The following SLIT3 variants were observed in gnomAD, a reference collection of about 807,000 sequenced individuals.
SLIT3 encodes the protein slit homolog 3 protein.
In SLIT3, 68 loss-of-function variants were observed where a neutral mutation model predicts 184.0. The ratio of observed to expected loss-of-function variants is 0.37; its 90% CI spans 0.30 to 0.45. SLIT3 has a LOEUF of 0.45. Ranked by LOEUF, SLIT3 falls within the 20% of genes least tolerant of loss-of-function variation. The probability of loss-of-function intolerance (pLI) is 1.00; values close to 1 mark genes in which losing one functional copy is unlikely to be tolerated. For missense variants in SLIT3, 1,707 were observed against 2,026.0 expected (o/e 0.84, Z 3.02); for synonymous variants, 831 against 828.6 (o/e 1.00, Z -0.05).
intron 4 of SLIT3, among the ~76,000 whole-genome samples, chr5:168,977,305 G>A (rs912915960): frequency 1.3e-5 from 2 of 152,168 alleles, no homozygotes; most frequent in South Asian, 4.1e-4. Context: ...CTGCCCCATC[G>A]CAAGACCTAC....
At chr5:169,172,021 T>C (rs1205899640) in intron 4 of SLIT3, among the ~76,000 whole-genome samples, 1 of 152,154 alleles carries the variant, frequency 6.6e-6, no homozygotes, top group African/African-American at 2.4e-5. Flanking sequence ...ACCTTTCTTC[T>C]AGCAAATCAG....
chr5:169,119,555 T>C (rs1329845288), intron 4 of SLIT3, among the ~76,000 whole-genome samples: 2 of 152,192 alleles, frequency 1.3e-5, no homozygotes, highest in African/African-American at 4.8e-5. Flanking sequence ...AAACACACAA[T>C]CATTTTTCTT....
chr5:168,753,009 C>T lies in SLIT3; in HGVS notation c.1919G>A (p.Arg640Gln), dbSNP rs755734208. 41 of 1,613,760 alleles carry T rather than the reference C, an allele frequency of 2.5e-5. No individual in the cohort carries two copies. The highest frequency in any genetic ancestry group is 4.0e-5 in the African/African-American group (3 of 74,802). The change falls in exon 18 of 36, where the codon CGG becomes CAG. Residue 640 changes from arginine (R) to glutamine (Q), a missense_variant. Arg to Gln is a conservative substitution (Grantham distance 43, BLOSUM62 1). This residue lies in a region of SLIT3 where 1,307 missense variants were observed against 1,511.6 expected (regional missense o/e 0.86). Coordinates refer to ENST00000519560, the MANE Select transcript of SLIT3 (RefSeq NM_003062.4). The part of the protein sequence containing the change: ...SVRLLSLYDN[R>Q]ITTITPGAFT... Reference sequence around the variant, plus strand: ...GGCCCCAGGGGTGATGGTGGTGATCCGATTGTCATAGAGGGACAGCAGTCT... The same window carrying T: ...GGCCCCAGGGGTGATGGTGGTGATCTGATTGTCATAGAGGGACAGCAGTCT...
At chr5:168,748,465 G>T (rs748497593) in intron 19 of SLIT3, 31 bp from the exon 20 acceptor site, 1 of 1,505,950 alleles carries the variant, frequency 6.6e-7, no homozygotes, top group South Asian at 1.3e-5. Flanking sequence ...GGTGAGGGTT[G>T]TGGGAGATAA....
At chr5:169,067,845 G>A (rs1758412694) in intron 4 of SLIT3, among the ~76,000 whole-genome samples, 1 of 152,190 alleles carries the variant, frequency 6.6e-6, no homozygotes, top group Admixed American at 6.5e-5. Context: ...GCTATGCACA[G>A]CAAAGAAAAA....
At chr5:168,934,101 C>T (rs891253645) in intron 4 of SLIT3, among the ~76,000 whole-genome samples, 2 of 152,174 alleles carry the variant, frequency 1.3e-5, no homozygotes, top group Non-Finnish European at 2.9e-5. Context: ...ATGGGCTCCA[C>T]CTGCTTCCCG....
chr5:168,985,892 C>A lies in SLIT3; in HGVS notation c.414-102556G>T, dbSNP rs138367520. On this transcript the variant is annotated intron_variant, in intron 4 of 35. Coordinates refer to ENST00000519560, the MANE Select transcript of SLIT3 (RefSeq NM_003062.4). ...CAGAGTATGGTGGTTGTATTTGAACCCCTGGTTAAATCATGCCTGGGAGTG... is the reference window on the plus strand; with the variant it reads ...CAGAGTATGGTGGTTGTATTTGAACACCTGGTTAAATCATGCCTGGGAGTG... 7.1e-3 allele frequency among the ~76,000 whole-genome samples: 1,073 copies of A among 152,034 alleles called. 7 individuals are homozygous for A. The highest frequency in any genetic ancestry group is 0.024 in the African/African-American group (987 of 41,448).
intron 4 of SLIT3, among the ~76,000 whole-genome samples, chr5:168,885,798 A>G (rs546673188): frequency 4.3e-4 from 65 of 152,326 alleles, no homozygotes; most frequent in African/African-American, 1.5e-3. Flanking sequence ...TAATGCACTA[A>G]CCTTGTTTGA....
intron 4 of SLIT3, among the ~76,000 whole-genome samples, chr5:169,033,810 ATTTTTT>A (rs568929106): frequency 5.2e-5 from 6 of 116,148 alleles, no homozygotes; most frequent in African/African-American, 2.0e-4. Context: ...CTATTGTATG[ATTTTTT>A]TTTTTTTTTT....
At chr5:168,819,918 C>G (rs750735832) in intron 7 of SLIT3, among the ~76,000 whole-genome samples, 2 of 152,118 alleles carry the variant, frequency 1.3e-5, no homozygotes. Context: ...AGAGGGCTCT[C>G]GTCAAAAGCC....
chr5:169,053,259 C>A (rs1332567643), intron 4 of SLIT3, among the ~76,000 whole-genome samples: 1 of 152,226 alleles, frequency 6.6e-6, no homozygotes, highest in Non-Finnish European at 1.5e-5. Context: ...GGTTTCCTTT[C>A]CTTTCTTCCA....
At chr5:169,211,965 T>C (rs1351305220) in intron 3 of SLIT3, among the ~76,000 whole-genome samples, 1 of 152,244 alleles carries the variant, frequency 6.6e-6, no homozygotes, top group Non-Finnish European at 1.5e-5. Flanking sequence ...CATCAACTCA[T>C]CCTTTTTTAT....
chr5:169,110,020 C>T (rs1760356616), intron 4 of SLIT3, among the ~76,000 whole-genome samples: 1 of 152,144 alleles, frequency 6.6e-6, no homozygotes, highest in South Asian at 2.1e-4. Flanking sequence ...TCACTACACC[C>T]CTGGAGCATT....
At chr5:169,227,765 T>C (rs1364476338) in intron 3 of SLIT3, among the ~76,000 whole-genome samples, 1 of 152,168 alleles carries the variant, frequency 6.6e-6, no homozygotes, top group Non-Finnish European at 1.5e-5. Context: ...GCAATTACCT[T>C]TGCACTAACC....
intron 20 of SLIT3, among the ~76,000 whole-genome samples, chr5:168,739,989 A>C (rs1763571226): frequency 1.3e-5 from 2 of 152,256 alleles, no homozygotes; most frequent in African/African-American, 4.8e-5. Context: ...TGTTACTTTT[A>C]AATGGAATTA....
intron 4 of SLIT3, among the ~76,000 whole-genome samples, chr5:169,016,771 T>G (rs536784609): frequency 6.6e-6 from 1 of 152,352 alleles, no homozygotes; most frequent in Admixed American, 6.5e-5. Context: ...AGTATAGACC[T>G]CAAAGGCTTG....
At position 169,270,341 on chromosome 5, in the gene SLIT3, A is replaced by G. The variant is rs150563036; in HGVS notation, c.198-18882T>C. Among the ~76,000 whole-genome samples, 455 of 152,320 alleles carry G rather than the reference A, an allele frequency of 3.0e-3. 7 individuals are homozygous for G. The highest frequency in any genetic ancestry group is 0.01 in the African/African-American group (429 of 41,568). On this transcript the variant is annotated intron_variant, in intron 1 of 35. Transcript: ENST00000519560. ...ACCAAGACAGGGGTCAGCAAACTAC[A>G]GCCCACAGGCCCGATCCGGCCCACT...
rs78350248 is a variant in SLIT3 at position 169,075,803 on chromosome 5, T to C, written c.413+117676A>G. On this transcript the variant is annotated intron_variant, in intron 4 of 35. Transcript: ENST00000519560. ...TTCTCTTTCGGATTTCATCTAGTAC[T>C]TTCTCCAGCCATGCTAGTAAAGGCA... is the stretch of plus-strand genomic sequence containing the variant. Among the ~76,000 whole-genome samples the C allele has an allele frequency of 2.6e-4, 40 of 152,374 alleles. No homozygotes were observed. In the East Asian group the frequency reaches 7.3e-3, roughly 28 times the overall value.
chr5:168,963,072 A>T (rs1763071098), intron 4 of SLIT3, among the ~76,000 whole-genome samples: 1 of 152,018 alleles, frequency 6.6e-6, no homozygotes, highest in Non-Finnish European at 1.5e-5. Flanking sequence ...TCTTTATTTC[A>T]TTTGGCGAGG....
Sources: allele counts gnomAD v4.1 joint callset (sites outside exome capture counted in the v4.1 genomes callset), GRCh38; gene constraint gnomAD v4.1.1; regional missense constraint gnomAD v4.1.1; transcripts MANE v1.5; gene names NCBI Gene and HGNC (gene_info 2026-07-23, HGNC 2026-07-21).